The following SNTG1 variants were observed in gnomAD, a reference collection of about 807,000 sequenced individuals.
The protein encoded by SNTG1 is gamma-1-syntrophin.
In SNTG1, 39 loss-of-function variants were observed where a neutral mutation model predicts 74.7. The ratio of observed to expected loss-of-function variants is 0.52; its 90% CI spans 0.40 to 0.68. The LOEUF (loss-of-function observed/expected upper bound fraction) is 0.68. Ranked by LOEUF, SNTG1 falls within the 30% of genes least tolerant of loss-of-function variation. The probability of loss-of-function intolerance (pLI) is 0.00; values close to 1 mark genes in which losing one functional copy is unlikely to be tolerated. For synonymous variants in SNTG1, 254 were observed against 217.1 expected (o/e 1.17, Z -1.49); for missense variants, 685 against 609.5 (o/e 1.12, Z -1.30).
intron 12 of SNTG1, among the ~76,000 whole-genome samples, chr8:50,561,808 T>C (rs542333552): frequency 6.6e-6 from 1 of 152,234 alleles, no homozygotes; most frequent in Non-Finnish European, 1.5e-5. Context: ...TATTCCATCA[T>C]ACACAAGCGA....
At chr8:49,971,253 C>T (rs1811642968) in intron 1 of SNTG1, among the ~76,000 whole-genome samples, 1 of 152,126 alleles carries the variant, frequency 6.6e-6, no homozygotes, top group South Asian at 2.1e-4. Context: ...ATAAACAGAA[C>T]CAAGACAAAA....
At chr8:50,190,456 G>A (rs577767867) in intron 2 of SNTG1, among the ~76,000 whole-genome samples, 2 of 152,124 alleles carry the variant, frequency 1.3e-5, no homozygotes, top group Admixed American at 1.3e-4. Flanking sequence ...CATCAGTAAG[G>A]TTATGACTTT....
intron 1 of SNTG1, among the ~76,000 whole-genome samples, chr8:49,980,557 T>G (rs968525151): frequency 1.4e-5 from 2 of 140,806 alleles, no homozygotes; most frequent in African/African-American, 6.0e-5. Context: ...AAAAATTATG[T>G]TTGCCTCATG....
rs1269808944 is a variant in SNTG1 at position 50,778,220 on chromosome 8, T to G, written c.1396-14451T>G. Among the ~76,000 whole-genome samples, 10 of 152,320 alleles carry G rather than the reference T, an allele frequency of 6.6e-5. No individual in the cohort carries two copies. In the East Asian group the frequency reaches 1.9e-3, roughly 29 times the overall value. ...TATAGTCCTTTGGGTATATACCCAG[T>G]AACAGGATGGCTGGGTCAAATGGTA... On this transcript the variant is annotated intron_variant, in intron 18 of 18. Coordinates refer to ENST00000642720, the MANE Select transcript of SNTG1 (RefSeq NM_018967.5).
chr8:50,670,129 C>T lies in SNTG1; in HGVS notation c.1038+11466C>T, dbSNP rs555828099. On this transcript the variant is annotated intron_variant, in intron 15 of 18. Transcript: ENST00000642720. ...TGGAAGCATTCCCTTTGAAAACTGGCACAAGACAGGGATGCCCTCTCTCAC... is the reference window on the plus strand; with the variant it reads ...TGGAAGCATTCCCTTTGAAAACTGGTACAAGACAGGGATGCCCTCTCTCAC... 7.9e-5 allele frequency among the ~76,000 whole-genome samples: 12 copies of T among 152,092 alleles called. No individual in the cohort carries two copies. The East Asian group carries it at 2.1e-3, about 27-fold the overall frequency.
chr8:50,513,857 A>C (rs1338012031), intron 9 of SNTG1, among the ~76,000 whole-genome samples: 2 of 152,142 alleles, frequency 1.3e-5, no homozygotes, highest in African/African-American at 4.8e-5. Flanking sequence ...GACCCCTTGC[A>C]CTTCCTAGGT....
chr8:50,604,538 G>C (rs2094798639), intron 13 of SNTG1, among the ~76,000 whole-genome samples: 1 of 152,086 alleles, frequency 6.6e-6, no homozygotes, highest in South Asian at 2.1e-4. Flanking sequence ...CCTTTTTACA[G>C]GCAGGGGAGT....
intron 10 of SNTG1, among the ~76,000 whole-genome samples, chr8:50,531,160 T>C (rs1333900451): frequency 6.6e-6 from 1 of 152,204 alleles, no homozygotes; most frequent in East Asian, 1.9e-4. Context: ...TCACGGTACC[T>C]GATTTCCCTA....
chr8:50,258,344 T>C (rs1263591351), intron 2 of SNTG1, among the ~76,000 whole-genome samples: 1 of 152,158 alleles, frequency 6.6e-6, no homozygotes, highest in East Asian at 1.9e-4. Flanking sequence ...ACAAATAAAA[T>C]ATATTTTTGA....
intron 15 of SNTG1, among the ~76,000 whole-genome samples, chr8:50,678,054 A>G (rs893826671): frequency 1.3e-5 from 2 of 151,986 alleles, no homozygotes; most frequent in African/African-American, 2.4e-5. Flanking sequence ...ATGTATACCT[A>G]TGTAACAAAC....
At chr8:50,521,536 T>C (rs2094179600) in intron 9 of SNTG1, among the ~76,000 whole-genome samples, 1 of 152,160 alleles carries the variant, frequency 6.6e-6, no homozygotes, top group Non-Finnish European at 1.5e-5. Context: ...TTGCTGAAGT[T>C]TGGAATGGCT....
intron 15 of SNTG1, among the ~76,000 whole-genome samples, chr8:50,677,423 G>GA (rs1055175876): frequency 7.2e-5 from 11 of 151,844 alleles, no homozygotes; most frequent in Non-Finnish European, 1.3e-4. Context: ...CTTAATGTAA[G>GA]AAAAAAGCTA....
intron 1 of SNTG1, among the ~76,000 whole-genome samples, chr8:49,984,487 G>A (rs1457783426): frequency 1.3e-5 from 2 of 152,212 alleles, no homozygotes; most frequent in Non-Finnish European, 2.9e-5. Flanking sequence ...TTATAGGCGT[G>A]AGCCACTGCG....
At chr8:50,034,097 T>C (rs1229166675) in intron 1 of SNTG1, among the ~76,000 whole-genome samples, 1 of 152,202 alleles carries the variant, frequency 6.6e-6, no homozygotes, top group East Asian at 1.9e-4. Flanking sequence ...TTCTAACTGT[T>C]AAGTAGCTAA....
chr8:50,751,685 CA>C lies in SNTG1; in HGVS notation c.1285-315del, dbSNP rs2095567766. Among the ~76,000 whole-genome samples the C allele has an allele frequency of 5.9e-5, 9 of 151,948 alleles. No homozygotes were observed. In the South Asian group the frequency reaches 1.9e-3, roughly 31 times the overall value. On this transcript the variant is annotated intron_variant, in intron 17 of 18. Coordinates refer to ENST00000642720, the MANE Select transcript of SNTG1 (RefSeq NM_018967.5). ...AATGATCAATTCAAAATCACTTTGT[CA>C]CTTCTATTGAAAAGGACTCAATGAA...
chr8:50,612,239 G>T (rs2094855644), intron 13 of SNTG1, among the ~76,000 whole-genome samples: 1 of 152,102 alleles, frequency 6.6e-6, no homozygotes. Flanking sequence ...GTAACAGCTG[G>T]AAGATTTTTC....
intron 8 of SNTG1, among the ~76,000 whole-genome samples, chr8:50,484,912 C>T (rs974975395): frequency 3.3e-5 from 5 of 151,992 alleles, no homozygotes; most frequent in African/African-American, 1.2e-4. Context: ...TATAACCTTT[C>T]AGTCTGTAAA....
chr8:49,941,427 C>T (rs1808673883), intron 1 of SNTG1, among the ~76,000 whole-genome samples: 1 of 149,062 alleles, frequency 6.7e-6, no homozygotes, highest in Non-Finnish European at 1.5e-5. Flanking sequence ...CTCTGAAATT[C>T]ATTAAACAAA....
chr8:50,381,274 T>A (rs1387689477), intron 2 of SNTG1, among the ~76,000 whole-genome samples: 2 of 152,082 alleles, frequency 1.3e-5, no homozygotes, highest in Admixed American at 6.5e-5. Flanking sequence ...AAACTTATTT[T>A]TCTTTTATCC....
Sources: allele counts gnomAD v4.1 joint callset (sites outside exome capture counted in the v4.1 genomes callset), GRCh38; gene constraint gnomAD v4.1.1; transcripts MANE v1.5; gene names NCBI Gene and HGNC (gene_info 2026-07-23, HGNC 2026-07-21).